The following KCTD19 variants were observed in gnomAD, a reference collection of about 807,000 sequenced individuals.
KCTD19 encodes BTB/POZ domain-containing protein KCTD19.
A neutral mutation model predicts 103.5 loss-of-function variants in KCTD19; 67 were observed. That is an observed-to-expected ratio of 0.65 (90% confidence interval 0.53 to 0.79). The LOEUF (loss-of-function observed/expected upper bound fraction) is 0.79. Among genes scored for constraint, KCTD19 ranks in the 30% least tolerant of loss-of-function variants. The pLI, the probability that KCTD19 is intolerant of heterozygous loss-of-function variation, is 0.00. For missense variants in KCTD19, 980 were observed against 1,136.1 expected (o/e 0.86, Z 1.98); for synonymous variants, 439 against 452.2 (o/e 0.97, Z 0.37).
intron 2 of KCTD19, among the ~76,000 whole-genome samples, chr16:67,311,591 G>A (rs1205819670): frequency 1.3e-5 from 2 of 151,990 alleles, no homozygotes; most frequent in Admixed American, 6.6e-5. Flanking sequence ...GCGAGCCACC[G>A]TCCCCAGCCA....
In KCTD19 at chr16:67,290,730, A is replaced by G. The variant is rs1428821655; in HGVS notation, c.2667+155T>C. ...CTTTTGGACTACTCTGGATTGGTTA[A>G]TTTCATGCAGTTTCTCCCTCCCTGG... On this transcript the variant is annotated intron_variant, in intron 15 of 15. Transcript: ENST00000304372. Among the ~76,000 whole-genome samples, 3 of 152,208 alleles carry G rather than the reference A, an allele frequency of 2.0e-5. No individual in the cohort carries two copies. In the East Asian group the frequency reaches 5.8e-4, roughly 29 times the overall value.
intron 2 of KCTD19, among the ~76,000 whole-genome samples, chr16:67,311,511 C>T (rs2036948830): frequency 6.6e-6 from 1 of 152,110 alleles, no homozygotes; most frequent in Admixed American, 6.6e-5. Flanking sequence ...CTATCTTGGC[C>T]AAGTTGGTCT....
chr16:67,295,030 A>G lies in KCTD19; in HGVS notation c.1418T>C (p.Val473Ala), dbSNP rs747050776. 2 of 1,614,050 alleles carry G rather than the reference A, an allele frequency of 1.2e-6. No homozygotes were observed. Among genetic ancestry groups the G allele is most frequent in the Admixed American group, 3.3e-5 (2 of 60,016 alleles). Residue 473 changes from valine (V) to alanine (A), a missense_variant, in exon 10 of 16, where the codon GTG (valine) becomes GCG (alanine). Val to Ala is a moderately conservative substitution (Grantham distance 64). Coordinates refer to ENST00000304372, the MANE Select transcript of KCTD19 (RefSeq NM_001100915.3). ...FKEWPLFCQE[V>A]EEYHIPSLSE... The stretch of plus-strand genomic sequence containing the variant: ...GAGGGATGGAATGTGGTATTCCTCC[A>G]CCTCCTGGCAGAAGAGGGGCCATTC...
chr16:67,291,834 C>A lies in KCTD19; in HGVS notation c.2222G>T (p.Ser741Ile), dbSNP rs927749363. The A allele has an allele frequency of 1.9e-6, 3 of 1,587,614 alleles. No individual in the cohort carries two copies. The highest frequency in any genetic ancestry group is 8.6e-7 in the Non-Finnish European group (1 of 1,165,998). Residue 741 changes from serine (S) to isoleucine (I), a missense_variant, in exon 13 of 16, where the codon AGC (serine) becomes ATC (isoleucine). Physicochemically the swap from Ser to Ile is moderately radical, Grantham distance 142 (BLOSUM62 -2). Coordinates refer to ENST00000304372, the MANE Select transcript of KCTD19 (RefSeq NM_001100915.3). ...WSKQRTKERE[S>I]PAPEQPLPEA... ...GGGCAGAGGCTGCTCAGGGGCAGGG[C>A]TTTCTGTGAAAACAACATAGGGAGG... is the stretch of plus-strand genomic sequence containing the variant.
At chr16:67,299,283 G>T in intron 6 of KCTD19, 80 bp downstream of exon 6, 1 of 1,352,872 alleles carries the variant, frequency 7.4e-7, no homozygotes, top group Non-Finnish European at 1.1e-6. Context: ...CTGGCTAGTG[G>T]GAAAGGCCCC....
Position 67,293,510 on chromosome 16 carries a change from A to G in KCTD19, c.2218+34T>C, listed in dbSNP as rs1309782493. 1 of 1,598,114 alleles carries G rather than the reference A, an allele frequency of 6.3e-7. No homozygotes were observed. Among genetic ancestry groups the G allele is most frequent in the African/African-American group, 1.3e-5 (1 of 74,444 alleles). Reference sequence around the variant, plus strand: ...CAAAGAGTTTGCCTTCTCTGTTGTGAATAAGACTTAGATCAAAGGGGGACA... The same window carrying G: ...CAAAGAGTTTGCCTTCTCTGTTGTGGATAAGACTTAGATCAAAGGGGGACA... On this transcript the variant is annotated intron_variant, in intron 12 of 15. Coordinates refer to ENST00000304372, the MANE Select transcript of KCTD19 (RefSeq NM_001100915.3). This position sits in a 1 kb window ranked among gnomAD's most constrained non-coding sequence, Gnocchi z 4.0.
chr16:67,296,971 C>T (rs1405721710), intron 7 of KCTD19, among the ~76,000 whole-genome samples: 1 of 152,188 alleles, frequency 6.6e-6, no homozygotes, highest in Non-Finnish European at 1.5e-5. Context: ...GACCGGTACT[C>T]AATAAATGTT....
intron 15 of KCTD19, 121 bp downstream of exon 15, chr16:67,290,764 G>T: frequency 4.9e-6 from 4 of 815,398 alleles, no homozygotes; most frequent in South Asian, 1.8e-5. Flanking sequence ...GGGAGCAGTG[G>T]CCTAAGCTGC....
chr16:67,311,007 G>A (rs886926746), intron 2 of KCTD19, among the ~76,000 whole-genome samples: 1 of 152,220 alleles, frequency 6.6e-6, no homozygotes, highest in Non-Finnish European at 1.5e-5. Context: ...GTGGGCTCCA[G>A]TCACCTCACT....
In KCTD19 at chr16:67,301,856, G is replaced by A. The variant is rs756353693; in HGVS notation, c.710C>T (p.Ala237Val). The A allele has an allele frequency of 6.2e-7, 1 of 1,612,824 alleles. No homozygotes were observed. Among genetic ancestry groups the A allele is most frequent in the East Asian group, 2.2e-5 (1 of 44,884 alleles). ...DNFSNIDVLEAEVEILEIPAL... is the reference protein window; with the variant it reads ...DNFSNIDVLEVEVEILEIPAL... Reference sequence around the variant, plus strand: ...AGGGATTTCCAGAATTTCCACTTCTGCTTCTAATACATCAATGTTGGAGAA... The same window carrying A: ...AGGGATTTCCAGAATTTCCACTTCTACTTCTAATACATCAATGTTGGAGAA... The change falls in exon 5 of 16, where the codon GCA becomes GTA. Residue 237 changes from alanine (A) to valine (V), a missense_variant. Physicochemically the swap from Ala to Val is moderately conservative, Grantham distance 64. Transcript: ENST00000304372.
rs374251418 is a variant in KCTD19, at chr16:67,304,529, G to C, written c.343C>G (p.Arg115Gly). The C allele has an allele frequency of 6.2e-7, 1 of 1,613,910 alleles. No homozygotes were observed. The highest frequency in any genetic ancestry group is 8.5e-7 in the Non-Finnish European group (1 of 1,179,768). ...TCAGCAACAGGTAGGTCTGCAGGCC[G>C]TACGCGTAGATGGTGTTTCCCTTCC... ...LKEGKHHLRVRPADLPVAERA... is the reference protein window; with the variant it reads ...LKEGKHHLRVGPADLPVAERA... The change falls in exon 3 of 16, where the codon CGG (arginine) becomes GGG (glycine). Residue 115 changes from arginine (R) to glycine (G), a missense_variant. Arg to Gly is a moderately radical substitution (Grantham distance 125). Coordinates refer to ENST00000304372, the MANE Select transcript of KCTD19 (RefSeq NM_001100915.3).
chr16:67,314,873 AGG>A (rs1491405950), intron 2 of KCTD19, among the ~76,000 whole-genome samples: 2,130 of 129,982 alleles, frequency 0.016, 119 homozygotes, highest in African/African-American at 0.053. Context: ...AGAGAGAGAG[AGG>A]GGAAGGGTCT....
chr16:67,318,297 C>T (rs2037033878), intron 2 of KCTD19, among the ~76,000 whole-genome samples: 1 of 152,176 alleles, frequency 6.6e-6, no homozygotes, highest in African/African-American at 2.4e-5. Flanking sequence ...CGCGGTGGCT[C>T]ATGCCTGTAA....
intron 2 of KCTD19, among the ~76,000 whole-genome samples, chr16:67,318,731 C>G (rs1192677821): frequency 1.3e-5 from 2 of 152,010 alleles, no homozygotes; most frequent in African/African-American, 4.8e-5. Flanking sequence ...AAGCAAGTTA[C>G]TCCCTCCCTT....
At position 67,299,479 on chromosome 16, in the gene KCTD19, G is replaced by T. The variant is rs1567449367; in HGVS notation, c.870C>A (p.Ala290=). The change falls in exon 6 of 16, where the codon GCC becomes GCA. Residue 290 remains alanine, a synonymous_variant. Coordinates refer to ENST00000304372, the MANE Select transcript of KCTD19 (RefSeq NM_001100915.3). ...CCGGGTACTTGACCAGCAGACCCAG[G>T]GCCATTGTGTAGAGCGGTTTCACGG... ...LESVKPLYTM[A]LGLLVKYPDS... is the part of the protein sequence containing the mutation. The T allele has an allele frequency of 6.2e-7, 1 of 1,614,194 alleles. No individual in the cohort carries two copies. Among genetic ancestry groups the T allele is most frequent in the Admixed American group, 1.7e-5 (1 of 60,026 alleles).
chr16:67,308,207 A>T (rs2036914052), intron 2 of KCTD19, among the ~76,000 whole-genome samples: 1 of 145,404 alleles, frequency 6.9e-6, no homozygotes, highest in Non-Finnish European at 1.5e-5. Context: ...GTGTCGCCCA[A>T]GCTGGAGTGC....
chr16:67,325,372 C>G (rs1347095370), intron 1 of KCTD19, among the ~76,000 whole-genome samples: 1 of 126,210 alleles, frequency 7.9e-6, no homozygotes, highest in Admixed American at 7.2e-5. Context: ...GCCACCACGC[C>G]CGGCTTTATT....
At chr16:67,296,306 G>A (rs909726408) in intron 7 of KCTD19, 47 bp from the exon 8 acceptor site, 1 of 1,227,546 alleles carries the variant, frequency 8.1e-7, no homozygotes, top group Non-Finnish European at 1.2e-6. Context: ...GGCCAGAAGG[G>A]AAAGCAGGTA....
In KCTD19 at chr16:67,293,940, G is replaced by A. The variant is rs758634198; in HGVS notation, c.1822C>T (p.Pro608Ser). ...PGHWGSHPESPPKKKCTTINL... is the reference protein window; with the variant it reads ...PGHWGSHPESSPKKKCTTINL... ...ATTGTGGTGCATTTCTTCTTTGGGGGGCTCTCAGGGTGGCTCCCCCAGTGT... is the reference window on the plus strand; with the variant it reads ...ATTGTGGTGCATTTCTTCTTTGGGGAGCTCTCAGGGTGGCTCCCCCAGTGT... Residue 608 changes from proline (P) to serine (S), a missense_variant, in exon 12 of 16, where the codon CCC becomes TCC. Transcript: ENST00000304372. This position sits in a 1 kb window ranked among gnomAD's most constrained non-coding sequence, Gnocchi z 4.0. 2.6e-5 allele frequency: 42 copies of A among 1,614,028 alleles called. No individual in the cohort carries two copies. Among genetic ancestry groups the A allele is most frequent in the South Asian group, 1.3e-4 (12 of 91,090 alleles).
Sources: allele counts gnomAD v4.1 joint callset (sites outside exome capture counted in the v4.1 genomes callset), GRCh38; gene constraint gnomAD v4.1.1; non-coding constraint Gnocchi (gnomAD v3.1); transcripts MANE v1.5; gene names NCBI Gene and HGNC (gene_info 2026-07-23, HGNC 2026-07-21).